Variants in HSPA12A observed in about 807,000 individuals in gnomAD.
HSPA12A encodes heat shock 70 kDa protein 12A.
In HSPA12A, 28 loss-of-function variants were observed where a neutral mutation model predicts 69.2. The observed-to-expected ratio is 0.40, with a 90% confidence interval of 0.30 to 0.55. The LOEUF is 0.55. Among genes scored for constraint, HSPA12A ranks in the 20% least tolerant of loss-of-function variants. HSPA12A has a pLI of 0.38. For synonymous variants in HSPA12A, 345 were observed against 370.5 expected, an observed-to-expected ratio of 0.93 and a Z score of 0.79; for missense variants, 686 against 900.7, an observed-to-expected ratio of 0.76 and a Z score of 3.05.
intron 2 of HSPA12A, chr10:116,832,853 C>T (rs1845644843): frequency 2.0e-5 from 3 of 152,218 alleles, no homozygotes; most frequent in Admixed American, 2.0e-4. Flanking sequence ...TTTATGCCAT[C>T]TTACTCAATC....
At chr10:116,802,725 G>A (rs1320859283) in intron 2 of HSPA12A, among the ~76,000 whole-genome samples, 1 of 152,224 alleles carries the variant, frequency 6.6e-6, no homozygotes, top group Non-Finnish European at 1.5e-5. Context: ...GCAGAGGCAG[G>A]CTGCCCCGAT....
Position 116,683,977 on chromosome 10 carries a change from C to G in HSPA12A, c.664-15G>C. The G allele has an allele frequency of 1.3e-6, 2 of 1,550,604 alleles. No individual in the cohort carries two copies. The highest frequency in any genetic ancestry group is 1.8e-6 in the Non-Finnish European group (2 of 1,139,820). On this transcript the variant is annotated splice_polypyrimidine_tract_variant and intron_variant, in intron 6 of 11. Transcript: ENST00000369209. ...GCCAGGCCTGCCTGGAAGACAGAAACAGAGGCTGGGACCCAGGGCCCCCTG... is the reference window on the plus strand; with the variant it reads ...GCCAGGCCTGCCTGGAAGACAGAAAGAGAGGCTGGGACCCAGGGCCCCCTG...
chr10:116,714,148 T>C (rs1276928317), intron 1 of HSPA12A, among the ~76,000 whole-genome samples: 2 of 151,902 alleles, frequency 1.3e-5, no homozygotes, highest in Non-Finnish European at 2.9e-5. Flanking sequence ...GATGAGTGGA[T>C]GGATGGATGA....
chr10:116,791,152 C>T (rs1041006893), intron 2 of HSPA12A, among the ~76,000 whole-genome samples: 9 of 152,210 alleles, frequency 5.9e-5, no homozygotes, highest in Non-Finnish European at 1.3e-4. Context: ...CTGGAATGTG[C>T]AGGCCCTCCC....
intron 2 of HSPA12A, among the ~76,000 whole-genome samples, chr10:116,820,335 G>A (rs1053917202): frequency 4.6e-5 from 7 of 152,090 alleles, no homozygotes; most frequent in African/African-American, 1.7e-4. Flanking sequence ...TGATGGGGTG[G>A]GAGGACAGGC....
intron 8 of HSPA12A, 31 bp from the exon 9 acceptor site, chr10:116,681,287 A>T: frequency 6.4e-7 from 1 of 1,570,434 alleles, no homozygotes; most frequent in Non-Finnish European, 8.8e-7. Context: ...TTTTACACAG[A>T]CTGTTTGCCA....
rs544065736 is a variant in HSPA12A at position 116,723,009 on chromosome 10, C to T, written c.41-15724G>A. Among the ~76,000 whole-genome samples the T allele has an allele frequency of 2.3e-4, 35 of 152,132 alleles. No individual in the cohort carries two copies. The highest frequency in any genetic ancestry group is 8.2e-4 in the African/African-American group (34 of 41,518). On this transcript the variant is annotated intron_variant, in intron 1 of 11. Coordinates refer to ENST00000369209, the MANE Select transcript of HSPA12A (RefSeq NM_025015.3). This position sits in a 1 kb window ranked among gnomAD's most constrained non-coding sequence, Gnocchi z 4.1. Reference sequence around the variant, plus strand: ...AGGAACAGCAAGGGCAAAAGCAGAGCGGTATGAAGGGCTTCCCAGAGAGCC... The same window carrying T: ...AGGAACAGCAAGGGCAAAAGCAGAGTGGTATGAAGGGCTTCCCAGAGAGCC...
intron 2 of HSPA12A, among the ~76,000 whole-genome samples, chr10:116,816,916 T>G (rs1186271283): frequency 6.6e-6 from 1 of 152,238 alleles, no homozygotes; most frequent in African/African-American, 2.4e-5. Flanking sequence ...ATCCTTGAGC[T>G]GTGTTAAAAC....
chr10:116,699,979 A>G (rs1467323323), intron 4 of HSPA12A, among the ~76,000 whole-genome samples: 1 of 152,228 alleles, frequency 6.6e-6, no homozygotes, highest in Admixed American at 6.5e-5. Context: ...AAGCAATTAG[A>G]ATAGGAGCTT....
chr10:116,700,329 C>A lies in HSPA12A; in HGVS notation c.441+614G>T, dbSNP rs573927491. Among the ~76,000 whole-genome samples the A allele has an allele frequency of 3.3e-5, 5 of 152,320 alleles. No individual in the cohort carries two copies. In the East Asian group the frequency reaches 9.7e-4, roughly 29 times the overall value. ...CTATGCCCTATCCTTTTCTACGAAG[C>A]TTCGGGGTGGCAGGGGGTGCCTGTT... is the stretch of plus-strand genomic sequence containing the variant. On this transcript the variant is annotated intron_variant, in intron 4 of 11. Coordinates refer to ENST00000369209, the MANE Select transcript of HSPA12A (RefSeq NM_025015.3).
At chr10:116,785,271 A>G (rs1308714121) in intron 2 of HSPA12A, among the ~76,000 whole-genome samples, 2 of 152,068 alleles carry the variant, frequency 1.3e-5, no homozygotes, top group African/African-American at 4.8e-5. Context: ...GAATTCTGGA[A>G]CACAGGCAAG....
At chr10:116,776,550 G>T (rs1187429562) in intron 2 of HSPA12A, among the ~76,000 whole-genome samples, 1 of 151,994 alleles carries the variant, frequency 6.6e-6, no homozygotes, top group African/African-American at 2.4e-5. Context: ...CAAGACTATT[G>T]TTTTGCCTAG....
chr10:116,734,424 T>C (rs80331653), intron 1 of HSPA12A, among the ~76,000 whole-genome samples: 3,019 of 146,604 alleles, frequency 0.021, 101 homozygotes, highest in African/African-American at 0.072. Context: ...TACTCCAGCT[T>C]GGGCAATAGA....
At chr10:116,741,893 C>A (rs1554887217) in intron 1 of HSPA12A, among the ~76,000 whole-genome samples, 2 of 152,214 alleles carry the variant, frequency 1.3e-5, no homozygotes, top group Non-Finnish European at 2.9e-5. Flanking sequence ...GCAGCTGCAG[C>A]CCCCACTCCT....
chr10:116,785,194 C>A (rs914678067), intron 2 of HSPA12A, among the ~76,000 whole-genome samples: 1 of 152,060 alleles, frequency 6.6e-6, no homozygotes, highest in East Asian at 1.9e-4. Context: ...TTCCTTTCCT[C>A]CCCCTCCCAC....
Position 116,838,906 on chromosome 10 carries a change from A to G in HSPA12A, c.4-3884T>C, listed in dbSNP as rs560366852. 9.2e-5 allele frequency among the ~76,000 whole-genome samples: 14 copies of G among 152,354 alleles called. No individual in the cohort carries two copies. The South Asian group carries it at 2.9e-3, about 32-fold the overall frequency. ...CTTCATAATTCAGGTTTGTCAACTT[A>G]TTTATGTAGTGAGAGCCACACACAT... On this transcript the variant is annotated intron_variant, in intron 1 of 12. Coordinates refer to the HSPA12A transcript ENST00000635765.
At position 116,705,237 on chromosome 10, in the gene HSPA12A, G is replaced by A. The variant is rs782363925; in HGVS notation, c.168C>T (p.Leu56=). The A allele has an allele frequency of 9.9e-5, 160 of 1,614,052 alleles. No individual in the cohort carries two copies. In the Admixed American group the frequency reaches 1.1e-3, roughly 11 times the overall value. The stretch of plus-strand genomic sequence containing the variant: ...TCCCAAAGTCGACGGCCACCACCAC[G>A]AGAAATGACTGCTGTTCTGAGACGT... The part of the protein sequence containing the change: ...DSNVSEQQSF[L]VVVAVDFGTT... The change falls in exon 3 of 12, where the codon CTC becomes CTT. Residue 56 remains leucine, a synonymous_variant. Coordinates refer to ENST00000369209, the MANE Select transcript of HSPA12A (RefSeq NM_025015.3).
intron 2 of HSPA12A, among the ~76,000 whole-genome samples, chr10:116,821,036 C>T (rs1031626924): frequency 2.6e-5 from 4 of 152,154 alleles, no homozygotes; most frequent in Non-Finnish European, 5.9e-5. Flanking sequence ...CACCCCTCCA[C>T]CTTCTCCTCT....
intron 2 of HSPA12A, among the ~76,000 whole-genome samples, chr10:116,807,384 C>A (rs1208998217): frequency 6.6e-6 from 1 of 152,122 alleles, no homozygotes; most frequent in African/African-American, 2.4e-5. Flanking sequence ...CTTACCCCTG[C>A]AGGCTTAGAG....
Sources: allele counts gnomAD v4.1 joint callset (sites outside exome capture counted in the v4.1 genomes callset), GRCh38; gene constraint gnomAD v4.1.1; non-coding constraint Gnocchi (gnomAD v3.1); transcripts MANE v1.5; gene names NCBI Gene and HGNC (gene_info 2026-07-23, HGNC 2026-07-21).